Variants in CHIC1 observed in about 807,000 individuals in gnomAD.
The protein encoded by CHIC1 is cysteine-rich hydrophobic domain-containing protein 1.
A neutral mutation model predicts 18.5 loss-of-function variants in CHIC1; 7 were observed. The observed-to-expected ratio is 0.38, with a 90% CI of 0.22 to 0.71. The LOEUF is 0.71. Ranked by LOEUF, CHIC1 falls within the 30% of genes least tolerant of loss-of-function variation. The probability of loss-of-function intolerance (pLI) is 0.49; values close to 1 mark genes in which losing one functional copy is unlikely to be tolerated. For missense variants in CHIC1, 159 were observed against 176.9 expected (o/e 0.90, Z 0.57); for synonymous variants, 77 against 73.5 (o/e 1.05, Z -0.25).
intron 3 of CHIC1, among the ~76,000 whole-genome samples, chrX:73,636,300 G>A (rs145870828): frequency 1.1e-3 from 125 of 111,118 alleles, no homozygotes; most frequent in African/African-American, 3.9e-3. Flanking sequence ...TAAAAATGAG[G>A]TCTTACTGTG....
chrX:73,599,977 C>A (rs1270996109), intron 3 of CHIC1, among the ~76,000 whole-genome samples: 1 of 97,128 alleles, frequency 1.0e-5, no homozygotes, highest in Admixed American at 1.1e-4. Context: ...ATGGAATGTT[C>A]TTCCATTTGT....
At chrX:73,600,897 A>C (rs1449463125) in intron 3 of CHIC1, among the ~76,000 whole-genome samples, 1 of 107,863 alleles carries the variant, frequency 9.3e-6, no homozygotes, top group Admixed American at 9.8e-5. Flanking sequence ...AAAAAAAGGC[A>C]GGGGTTGCAA....
intron 3 of CHIC1, among the ~76,000 whole-genome samples, chrX:73,605,051 C>T (rs2057673220): frequency 3.7e-5 from 4 of 107,821 alleles, no homozygotes; most frequent in Non-Finnish European, 7.6e-5. Flanking sequence ...TCTTGAATAT[C>T]GTTCTTAATT....
chrX:73,665,813 C>T (rs2058001875), intron 3 of CHIC1, among the ~76,000 whole-genome samples: 1 of 111,519 alleles, frequency 9.0e-6, no homozygotes, highest in Non-Finnish European at 1.9e-5. Flanking sequence ...ACTGGGGCAC[C>T]CACAGACACC....
chrX:73,590,724 C>T (rs1213549173), intron 3 of CHIC1, among the ~76,000 whole-genome samples: 1 of 111,582 alleles, frequency 9.0e-6, no homozygotes, highest in Non-Finnish European at 1.9e-5. Context: ...AGAATATATT[C>T]ATATTGGCTT....
chrX:73,622,580 C>G (rs1285164943), intron 3 of CHIC1, among the ~76,000 whole-genome samples: 6 of 110,489 alleles, frequency 5.4e-5, no homozygotes, highest in Non-Finnish European at 9.5e-5. Context: ...ATTTTTCACT[C>G]TTCTTTATTG....
At chrX:73,609,261 A>G (rs1293861322) in intron 3 of CHIC1, among the ~76,000 whole-genome samples, 1 of 108,187 alleles carries the variant, frequency 9.2e-6, no homozygotes, top group Non-Finnish European at 1.9e-5. Flanking sequence ...GAAAGTGTGC[A>G]TTGTTACCAT....
chrX:73,666,601 C>T (rs2058005295), intron 3 of CHIC1, among the ~76,000 whole-genome samples: 1 of 112,263 alleles, frequency 8.9e-6, no homozygotes, highest in South Asian at 3.7e-4. Context: ...CAGTCACACC[C>T]AGGATCAATA....
intron 3 of CHIC1, among the ~76,000 whole-genome samples, chrX:73,589,990 C>G (rs2057573538): frequency 1.8e-5 from 2 of 111,608 alleles, no homozygotes; most frequent in Admixed American, 1.9e-4. Flanking sequence ...TATGGAGAGT[C>G]TCTTGTACTT....
At chrX:73,567,625 T>C (rs934178318) in intron 1 of CHIC1, among the ~76,000 whole-genome samples, 11 of 111,206 alleles carry the variant, frequency 9.9e-5, no homozygotes, top group African/African-American at 3.3e-4. Context: ...ACACAAAAAG[T>C]ACATATCTAA....
intron 3 of CHIC1, among the ~76,000 whole-genome samples, chrX:73,642,894 A>G (rs1402490550): frequency 9.1e-6 from 1 of 109,318 alleles, no homozygotes; most frequent in Non-Finnish European, 1.9e-5. Flanking sequence ...CTGTTTTGGT[A>G]CCAGTACCAT....
chrX:73,616,609 A>G (rs1412293838), intron 3 of CHIC1, among the ~76,000 whole-genome samples: 1 of 111,603 alleles, frequency 9.0e-6, no homozygotes, highest in Non-Finnish European at 1.9e-5. Flanking sequence ...ATCCTCTGAA[A>G]CCTAGGTGGA....
chrX:73,633,761 T>C (rs1404760624), intron 3 of CHIC1, among the ~76,000 whole-genome samples: 1 of 111,307 alleles, frequency 9.0e-6, no homozygotes, highest in Non-Finnish European at 1.9e-5. Context: ...AACTGGATAA[T>C]TTCAAATGAT....
At chrX:73,578,940 T>G (rs1256518600) in intron 2 of CHIC1, among the ~76,000 whole-genome samples, 1 of 110,779 alleles carries the variant, frequency 9.0e-6, no homozygotes, top group Non-Finnish European at 1.9e-5. Context: ...GATATTTGCT[T>G]CTTTCTGTCA....
In CHIC1 at chrX:73,682,486, C is replaced by G. The variant is rs999895061; in HGVS notation, c.*1481C>G. 2.7e-5 allele frequency: 3 copies of G among 111,387 alleles called. No individual in the cohort carries two copies. Among genetic ancestry groups the G allele is most frequent in the African/African-American group, 9.8e-5 (3 of 30,768 alleles). 9.2% of individuals were successfully genotyped at this position (111,387 alleles called of 1,213,427 possible). On this transcript the variant is annotated 3_prime_UTR_variant, in exon 6 of 6. Transcript: ENST00000373502. ...CTTACTCTTACTGCTTTTAGTAAACCTTTTAGGCAAGATTCATCTCAGTGA... is the reference window on the plus strand; with the variant it reads ...CTTACTCTTACTGCTTTTAGTAAACGTTTTAGGCAAGATTCATCTCAGTGA...
chrX:73,607,801 G>A (rs868506770), intron 3 of CHIC1, among the ~76,000 whole-genome samples: 3 of 107,673 alleles, frequency 2.8e-5, no homozygotes, highest in South Asian at 3.9e-4. Context: ...GCTTCTGCTC[G>A]CCCTCTGTGG....
intron 3 of CHIC1, among the ~76,000 whole-genome samples, chrX:73,642,074 G>T (rs1479295337): frequency 9.0e-6 from 1 of 111,612 alleles, no homozygotes; most frequent in Non-Finnish European, 1.9e-5. Flanking sequence ...TCTAGTTCTA[G>T]ATCCCTGAGG....
intron 1 of CHIC1, among the ~76,000 whole-genome samples, chrX:73,574,097 A>C (rs989779707): frequency 9.1e-6 from 1 of 110,110 alleles, no homozygotes; most frequent in African/African-American, 3.3e-5. Flanking sequence ...TTTGAGGTAC[A>C]TTCTTTTGAT....
At chrX:73,611,893 T>A (rs1283484803) in intron 3 of CHIC1, among the ~76,000 whole-genome samples, 1 of 108,941 alleles carries the variant, frequency 9.2e-6, no homozygotes, top group Non-Finnish European at 1.9e-5. Flanking sequence ...TAAATTTGTT[T>A]GAGTTCATTG....
Sources: allele counts gnomAD v4.1 joint callset (sites outside exome capture counted in the v4.1 genomes callset), GRCh38; gene constraint gnomAD v4.1.1; transcripts MANE v1.5; gene names NCBI Gene and HGNC (gene_info 2026-07-23, HGNC 2026-07-21).